Variants in CAPN5 observed in about 807,000 individuals in gnomAD.
CAPN5 encodes the protein calpain-5.
CAPN5 carries 54 observed loss-of-function variants against 73.0 expected under a neutral mutation model. The ratio of observed to expected loss-of-function variants is 0.74; its 90% CI spans 0.59 to 0.93. The LOEUF (loss-of-function observed/expected upper bound fraction) is 0.93. Among genes scored for constraint, CAPN5 ranks in the 40% least tolerant of loss-of-function variants. The pLI, the probability that CAPN5 is intolerant of heterozygous loss-of-function variation, is 0.00. For synonymous variants in CAPN5, 335 were observed against 356.9 expected, an observed-to-expected ratio of 0.94 and a Z score of 0.69; for missense variants, 785 against 882.9, an observed-to-expected ratio of 0.89 and a Z score of 1.41.
intron 9 of CAPN5, chr11:77,119,595 C>A (rs76813570): frequency 1.1e-5 from 2 of 174,430 alleles, no homozygotes; most frequent in Non-Finnish European, 2.5e-5. Context: ...CAGGTGGGGT[C>A]ACCTATGGCC....
intron 11 of CAPN5, among the ~76,000 whole-genome samples, chr11:77,122,330 G>T (rs1950527924): frequency 6.6e-6 from 1 of 152,198 alleles, no homozygotes; most frequent in Non-Finnish European, 1.5e-5. Flanking sequence ...CCTGATGAAA[G>T]GGGGTAAGGG....
At chr11:77,100,144 G>GT (rs1555038586) in intron 3 of CAPN5, among the ~76,000 whole-genome samples, 2 of 152,258 alleles carry the variant, frequency 1.3e-5, no homozygotes, top group South Asian at 4.1e-4. Flanking sequence ...GCCTTGTTTT[G>GT]TTTTTTTATA....
intron 1 of CAPN5, among the ~76,000 whole-genome samples, chr11:77,078,547 G>A (rs901576937): frequency 6.6e-6 from 1 of 151,996 alleles, no homozygotes; most frequent in Admixed American, 6.5e-5. Context: ...GGCTATTCAG[G>A]GTCTTTTGTG....
chr11:77,091,509 C>G (rs1950148759), intron 2 of CAPN5, among the ~76,000 whole-genome samples: 1 of 152,214 alleles, frequency 6.6e-6, no homozygotes, highest in Non-Finnish European at 1.5e-5. Flanking sequence ...GGATATTGCC[C>G]ACTTCTCAGT....
intron 1 of CAPN5, among the ~76,000 whole-genome samples, chr11:77,080,618 C>T (rs181033606): frequency 1.8e-4 from 28 of 152,304 alleles, no homozygotes; most frequent in African/African-American, 3.8e-4. Context: ...AGGCTGTCCC[C>T]GCTACCTCCA....
At chr11:77,079,625 C>G (rs7940004) in intron 1 of CAPN5, among the ~76,000 whole-genome samples, 115,744 of 152,178 alleles carry the variant, frequency 0.76, 44,746 homozygotes, top group African/African-American at 0.91. Flanking sequence ...GTGAATATGT[C>G]CATGCATTTC....
At chr11:77,116,387 GCC>G in intron 7 of CAPN5, 84 bp downstream of exon 7, 1 of 1,026,802 alleles carries the variant, frequency 9.7e-7, no homozygotes, top group Non-Finnish European at 1.5e-6. Flanking sequence ...GGAGTCAGGA[GCC>G]AGGCCTCTCC....
intron 12 of CAPN5, among the ~76,000 whole-genome samples, 181 bp downstream of exon 12, chr11:77,122,893 C>T (rs1488130101): frequency 1.3e-5 from 2 of 152,202 alleles, no homozygotes; most frequent in African/African-American, 2.4e-5. Context: ...CAAGGTCCCT[C>T]TGTAGGTGGG....
At chr11:77,111,691 C>A (rs181642462) in intron 3 of CAPN5, among the ~76,000 whole-genome samples, 3 of 149,282 alleles carry the variant, frequency 2.0e-5, no homozygotes, top group Admixed American at 6.6e-5. Flanking sequence ...ACCTATATGG[C>A]CCTGCCCCCA....
chr11:77,107,910 C>T (rs140936739), intron 3 of CAPN5, among the ~76,000 whole-genome samples: 1 of 152,184 alleles, frequency 6.6e-6, no homozygotes, highest in Non-Finnish European at 1.5e-5. Context: ...CACATGTGTA[C>T]ACCAACACAG....
At chr11:77,119,452 GC>G in intron 9 of CAPN5, 1 of 374,042 alleles carries the variant, frequency 2.7e-6, no homozygotes, top group East Asian at 5.2e-5. Flanking sequence ...TTGGGGCCGG[GC>G]CCTGGGAGGC....
chr11:77,113,225 T>A (rs1950429921), intron 4 of CAPN5, among the ~76,000 whole-genome samples: 1 of 152,236 alleles, frequency 6.6e-6, no homozygotes, highest in African/African-American at 2.4e-5. Context: ...TGGGCCTCCC[T>A]CTTGTCCACC....
intron 1 of CAPN5, among the ~76,000 whole-genome samples, chr11:77,069,711 G>A (rs782102500): frequency 2.6e-5 from 4 of 152,118 alleles, no homozygotes; most frequent in East Asian, 1.9e-4. Context: ...CTTTTCACCC[G>A]TTCTGTCTCT....
At chr11:77,118,412 G>A in intron 8 of CAPN5, 60 bp downstream of exon 8, 1 of 1,407,694 alleles carries the variant, frequency 7.1e-7, no homozygotes, top group Non-Finnish European at 9.6e-7. Context: ...CCTTGCCACT[G>A]TCCTGCCAGG....
intron 3 of CAPN5, among the ~76,000 whole-genome samples, chr11:77,105,455 G>C (rs559043423): frequency 5.3e-5 from 8 of 152,202 alleles, no homozygotes; most frequent in Non-Finnish European, 1.0e-4. Flanking sequence ...TGCTGAGGGA[G>C]GTGCCATCTG....
chr11:77,097,585 G>C (rs1950225951), intron 3 of CAPN5, among the ~76,000 whole-genome samples: 1 of 120,834 alleles, frequency 8.3e-6, no homozygotes, highest in African/African-American at 3.3e-5. Context: ...GTGAACAAAG[G>C]TCTCTGGTTT....
intron 6 of CAPN5, among the ~76,000 whole-genome samples, chr11:77,115,848 G>T (rs1394388745): frequency 6.6e-6 from 1 of 152,106 alleles, no homozygotes; most frequent in Non-Finnish European, 1.5e-5. Context: ...AGGGAGGGAG[G>T]CCACAGCCCT....
At chr11:77,107,165 C>G (rs1420311220) in intron 3 of CAPN5, among the ~76,000 whole-genome samples, 1 of 152,202 alleles carries the variant, frequency 6.6e-6, no homozygotes, top group South Asian at 2.1e-4. Flanking sequence ...TGCCCTCCTG[C>G]AGTCATGGCA....
In CAPN5 at chr11:77,071,826, T is replaced by C. The variant is rs114932094; in HGVS notation, c.-36+4732T>C. On this transcript the variant is annotated intron_variant, in intron 1 of 12. Coordinates refer to ENST00000648180, the MANE Select transcript of CAPN5 (RefSeq NM_004055.5). ...TGGAGCAGTGCAGTGGGCCTGGAAG[T>C]GCTGCTTGCCCAGAGACATGGTCTG... 5.4e-3 allele frequency: 1,683 copies of C among 310,962 alleles called. 24 individuals carry two copies. The highest frequency in any genetic ancestry group is 0.033 in the African/African-American group (1,564 of 46,822). 19.3% of individuals were successfully genotyped at this position (310,962 alleles called of 1,614,324 possible).
Sources: allele counts gnomAD v4.1 joint callset (sites outside exome capture counted in the v4.1 genomes callset), GRCh38; gene constraint gnomAD v4.1.1; transcripts MANE v1.5; gene names NCBI Gene and HGNC (gene_info 2026-07-23, HGNC 2026-07-21).